ZMIZ1: variants seen among roughly 807,000 people sequenced by gnomAD.
ZMIZ1 encodes zinc finger MIZ domain-containing protein 1.
ZMIZ1 carries 17 observed loss-of-function variants against 113.9 expected under a neutral mutation model. The observed-to-expected ratio is 0.15, with a 90% CI of 0.10 to 0.22. ZMIZ1 has a LOEUF of 0.22. Among genes scored for constraint, ZMIZ1 ranks in the 10% least tolerant of loss-of-function variants. The pLI is 1.00. For missense variants in ZMIZ1, 1,059 were observed against 1,477.8 expected, an observed-to-expected ratio of 0.72 and a Z score of 4.65; for synonymous variants, 607 against 603.1, an observed-to-expected ratio of 1.01 and a Z score of -0.09.
intron 5 of ZMIZ1, among the ~76,000 whole-genome samples, chr10:79,208,127 G>A (rs536539792): frequency 5.9e-5 from 8 of 136,752 alleles, no homozygotes; most frequent in Admixed American, 5.7e-4. Context: ...TGGGGTGGAG[G>A]TGGGGGTGGG....
At chr10:79,123,325 T>TTA (rs1844377787) in intron 2 of ZMIZ1, among the ~76,000 whole-genome samples, 1 of 152,216 alleles carries the variant, frequency 6.6e-6, no homozygotes, top group South Asian at 2.1e-4. Context: ...TGGCTTCTGA[T>TTA]GAGCGACTTC....
At chr10:79,241,737 G>A (rs971139411) in intron 7 of ZMIZ1, among the ~76,000 whole-genome samples, 5 of 152,186 alleles carry the variant, frequency 3.3e-5, no homozygotes, top group African/African-American at 1.2e-4. Context: ...ATTATTTCTA[G>A]ATAAGTGATT....
chr10:79,161,370 G>A (rs1400315899), intron 3 of ZMIZ1, among the ~76,000 whole-genome samples: 3 of 152,078 alleles, frequency 2.0e-5, no homozygotes, highest in Non-Finnish European at 4.4e-5. Flanking sequence ...TACTGTCCCT[G>A]GCCCCTGGTC....
At position 79,277,282 on chromosome 10, in the gene ZMIZ1, C is replaced by G; in HGVS notation, c.382C>G (p.Pro128Ala). The change falls in exon 8 of 25, where the codon CCT becomes GCT. Residue 128 changes from proline (P) to alanine (A), a missense_variant. Physicochemically the swap from Pro to Ala is conservative, Grantham distance 27. Transcript: ENST00000334512. ...DPPGKLPMQP[P>A]LSSMSSMKPT... ...CCCTGGGAAACTCCCCATGCAGCCC[C>G]CTCTCAGCTCCATGAGCTCCATGAA... The G allele has an allele frequency of 1.2e-6, 2 of 1,601,890 alleles. No homozygotes were observed. Among genetic ancestry groups the G allele is most frequent in the Non-Finnish European group, 1.7e-6 (2 of 1,174,906 alleles).
chr10:79,232,625 C>T (rs1210841737), intron 7 of ZMIZ1, among the ~76,000 whole-genome samples: 1 of 152,116 alleles, frequency 6.6e-6, no homozygotes, highest in Non-Finnish European at 1.5e-5. Flanking sequence ...GGCATTACTC[C>T]TGCTATTATT....
chr10:79,121,103 A>G (rs1340482331), intron 2 of ZMIZ1, among the ~76,000 whole-genome samples: 2 of 152,222 alleles, frequency 1.3e-5, no homozygotes, highest in East Asian at 3.8e-4. Context: ...TGAGGTTCTC[A>G]GGGACACCTG....
At chr10:79,101,851 C>A (rs1210572118) in intron 1 of ZMIZ1, among the ~76,000 whole-genome samples, 1 of 152,216 alleles carries the variant, frequency 6.6e-6, no homozygotes, top group Non-Finnish European at 1.5e-5. Flanking sequence ...TGTCCCTCCC[C>A]TCTCTGAGGA....
intron 7 of ZMIZ1, among the ~76,000 whole-genome samples, chr10:79,249,667 G>A (rs1053525697): frequency 3.3e-5 from 5 of 152,188 alleles, no homozygotes; most frequent in Non-Finnish European, 5.9e-5. Context: ...CACATTTCAC[G>A]GGCTAGTGGC....
intron 6 of ZMIZ1, among the ~76,000 whole-genome samples, chr10:79,210,772 G>A (rs960599666): frequency 2.0e-5 from 3 of 152,238 alleles, no homozygotes; most frequent in African/African-American, 7.2e-5. Context: ...AGCCCTTGAA[G>A]GGTTGTCAGC....
chr10:79,105,207 G>A (rs7915865), intron 1 of ZMIZ1, among the ~76,000 whole-genome samples: 27 of 152,196 alleles, frequency 1.8e-4, no homozygotes, highest in African/African-American at 6.5e-4. Flanking sequence ...AACCTCGGGT[G>A]TAAAAACTGC....
intron 7 of ZMIZ1, among the ~76,000 whole-genome samples, chr10:79,224,263 G>T (rs1849112107): frequency 6.6e-6 from 1 of 152,142 alleles, no homozygotes; most frequent in East Asian, 1.9e-4. Context: ...GGGCCGGAGG[G>T]TGACTCTTTT....
intron 4 of ZMIZ1, among the ~76,000 whole-genome samples, chr10:79,189,433 C>T (rs1847503520): frequency 6.6e-6 from 1 of 152,204 alleles, no homozygotes; most frequent in Admixed American, 6.5e-5. Flanking sequence ...TTCACCTGCT[C>T]AGGGCGAGGC....
intron 7 of ZMIZ1, among the ~76,000 whole-genome samples, chr10:79,256,839 C>T (rs1850937087): frequency 6.6e-6 from 1 of 152,202 alleles, no homozygotes; most frequent in Non-Finnish European, 1.5e-5. Context: ...CCATCTGATC[C>T]TCACAGAAAG....
intron 7 of ZMIZ1, among the ~76,000 whole-genome samples, chr10:79,246,793 C>A (rs967254798): frequency 3.9e-5 from 6 of 152,178 alleles, no homozygotes; most frequent in Admixed American, 3.9e-4. Context: ...GAAGCACTTC[C>A]AGCTTCCCAG....
At chr10:79,189,217 A>C (rs1016470820) in intron 4 of ZMIZ1, among the ~76,000 whole-genome samples, 2 of 152,214 alleles carry the variant, frequency 1.3e-5, no homozygotes, top group African/African-American at 4.8e-5. Flanking sequence ...CATTCTGGCC[A>C]ATGGCATGGG....
At chr10:79,288,533 C>T (rs1180692934) in intron 8 of ZMIZ1, among the ~76,000 whole-genome samples, 2 of 149,506 alleles carry the variant, frequency 1.3e-5, no homozygotes, top group Non-Finnish European at 2.9e-5. Context: ...CGCACACACA[C>T]ATACACACAC....
chr10:79,278,043 G>T (rs1250538), intron 8 of ZMIZ1, among the ~76,000 whole-genome samples: 47,987 of 152,160 alleles, frequency 0.32, 8,026 homozygotes, highest in East Asian at 0.45. Flanking sequence ...TCATTATCCA[G>T]CCTGACTGAG....
In ZMIZ1 at chr10:79,212,494, G is replaced by A. The variant is rs1848565603; in HGVS notation, c.175-3675G>A. On this transcript the variant is annotated intron_variant, in intron 6 of 24. Coordinates refer to ENST00000334512, the MANE Select transcript of ZMIZ1 (RefSeq NM_020338.4). ...ATTAAAAAATTTTTTGCACAGATGG[G>A]GCTGGGCATGGTGGCTCATGCCTAT... 2.6e-5 allele frequency among the ~76,000 whole-genome samples: 4 copies of A among 152,222 alleles called. No homozygotes were observed. The South Asian group carries it at 8.3e-4, about 32-fold the overall frequency.
intron 5 of ZMIZ1, among the ~76,000 whole-genome samples, chr10:79,204,758 G>A (rs1245492048): frequency 6.6e-6 from 1 of 152,142 alleles, no homozygotes; most frequent in Non-Finnish European, 1.5e-5. Flanking sequence ...GGACATATGG[G>A]CAGATAGTTA....
Sources: gnomAD v4.1 joint callset for allele counts (sites outside exome capture counted in the v4.1 genomes callset) on GRCh38, gnomAD v4.1.1 for gene constraint, MANE v1.5 for transcripts, NCBI Gene and HGNC (gene_info 2026-07-23, HGNC 2026-07-21) for gene names.